The following KCNQ1OT1 variants were observed in gnomAD, a reference collection of about 807,000 sequenced individuals.
KCNQ1OT1 encodes KCNQ1 opposite strand/antisense transcript 1.
exon 1 of KCNQ1OT1, chr11:2,628,175 T>C (rs1172159681): frequency 7.5e-6 from 3 of 398,542 alleles, no homozygotes; most frequent in African/African-American, 4.1e-5. Flanking sequence ...CTGGATCATA[T>C]AGCAGTTCCA....
exon 1 of KCNQ1OT1, chr11:2,667,693 A>G (rs1484105148): frequency 1.0e-5 from 4 of 398,732 alleles, no homozygotes; most frequent in Non-Finnish European, 1.8e-5. Flanking sequence ...CACGGAGGTG[A>G]CCTAGTCAGG....
exon 1 of KCNQ1OT1, chr11:2,694,148 C>T: frequency 2.5e-6 from 1 of 398,666 alleles, no homozygotes; most frequent in Non-Finnish European, 4.4e-6. Flanking sequence ...ATACTGCTGA[C>T]CAGGGAAGAG....
At position 2,670,579 on chromosome 11, in the gene KCNQ1OT1, A is replaced by ATTC. The variant is rs2133867728; in HGVS notation, n.29415_29416insGAA. 1 of 398,340 alleles carries ATTC rather than the reference A, an allele frequency of 2.5e-6. No individual in the cohort carries two copies. The allele number at this position is 398,340 out of a possible 1,614,324, so 24.7% of individuals were successfully genotyped here. ...CAGTATCACTGGGAGATAGGAGCAG[A>ATTC]AGCCAGGGCTCATTCCCAGACACAC... On this transcript the variant is annotated non_coding_transcript_exon_variant, in exon 1 of 1. Transcript: ENST00000597346. The surrounding 1 kb of genome is among the most constrained non-coding windows in gnomAD (Gnocchi z 4.9).
chr11:2,640,170 C>T lies in KCNQ1OT1; in HGVS notation n.59825G>A, dbSNP rs957551114. On this transcript the variant is annotated non_coding_transcript_exon_variant, in exon 1 of 1. Coordinates refer to ENST00000597346, the Ensembl canonical transcript of KCNQ1OT1. ...TTGTGCTTCCCAGGTGAGGCGATGC[C>T]TCGCCCTACTTCGTCTCACACTCAG... 11 of 381,172 alleles carry T rather than the reference C, an allele frequency of 2.9e-5. No homozygotes were observed. The Admixed American group carries it at 3.2e-4, about 11-fold the overall frequency. 23.6% of individuals were successfully genotyped at this position (381,172 alleles called of 1,614,324 possible).
rs1849086251 is a variant in KCNQ1OT1 at position 2,617,503 on chromosome 11, A to G, written n.82492T>C. The G allele has an allele frequency of 2.5e-6, 1 of 398,508 alleles. No individual in the cohort carries two copies. The allele number at this position is 398,508 out of a possible 1,614,324, so 24.7% of individuals were successfully genotyped here. A position where few individuals can be genotyped will look rare whatever the true frequency, so the allele number is the denominator to read the frequency against. ...TAAGTTTTCATATCGTGACTCATGC[A>G]TATAATGCCACAATGAATATAGGAG... On this transcript the variant is annotated non_coding_transcript_exon_variant, in exon 1 of 1. Coordinates refer to ENST00000597346, the Ensembl canonical transcript of KCNQ1OT1. The surrounding 1 kb of genome is among the most constrained non-coding windows in gnomAD (Gnocchi z 4.6).
At chr11:2,667,664 G>C in exon 1 of KCNQ1OT1, 1 of 398,670 alleles carries the variant, frequency 2.5e-6, no homozygotes, top group Middle Eastern at 6.3e-4. Flanking sequence ...TTGAACTGCA[G>C]AGCCTCTGGA....
In KCNQ1OT1 at chr11:2,611,432, G is replaced by C; in HGVS notation, n.88563C>G. 2 of 397,710 alleles carry C rather than the reference G, an allele frequency of 5.0e-6. No individual in the cohort carries two copies. Among genetic ancestry groups the C allele is most frequent in the Non-Finnish European group, 8.8e-6 (2 of 226,042 alleles). 24.6% of individuals were successfully genotyped at this position (397,710 alleles called of 1,614,324 possible). ...TCACCATGTTGACCAGGCTGGTCTTGAACTCCTGACCTCGAGTGATCTGTC... is the reference window on the plus strand; with the variant it reads ...TCACCATGTTGACCAGGCTGGTCTTCAACTCCTGACCTCGAGTGATCTGTC... On this transcript the variant is annotated non_coding_transcript_exon_variant, in exon 1 of 1. Coordinates refer to ENST00000597346, the Ensembl canonical transcript of KCNQ1OT1. The surrounding 1 kb of genome is among the most constrained non-coding windows in gnomAD (Gnocchi z 5.3).
chr11:2,660,386 TC>T lies in KCNQ1OT1; in HGVS notation n.39608del, dbSNP rs769229810. The T allele has an allele frequency of 3.3e-3, 1,298 of 398,578 alleles. 2 individuals are homozygous for T. Among genetic ancestry groups the T allele is most frequent in the Non-Finnish European group, 4.9e-3 (1,105 of 226,054 alleles). The allele number at this position is 398,578 out of a possible 1,614,324, so 24.7% of individuals were successfully genotyped here. ...GTATTACGCTGATGTGGGAAAACCT[TC>T]CTTTTTTATAAAGCAAAAGATGTAT... On this transcript the variant is annotated non_coding_transcript_exon_variant, in exon 1 of 1. Transcript: ENST00000597346.
chr11:2,660,238 A>G (rs1849927765), exon 1 of KCNQ1OT1: 1 of 398,200 alleles, frequency 2.5e-6, no homozygotes, highest in East Asian at 3.6e-5. Context: ...TTCATTTTCT[A>G]ATTGTTGATC....
At chr11:2,656,743 TTC>T (rs1338396819) in exon 1 of KCNQ1OT1, 3 of 398,542 alleles carry the variant, frequency 7.5e-6, no homozygotes, top group African/African-American at 6.2e-5. Flanking sequence ...TTACTCAGTC[TTC>T]TCTCTCATGG....
At chr11:2,641,055 C>T in exon 1 of KCNQ1OT1, 1 of 398,390 alleles carries the variant, frequency 2.5e-6, no homozygotes. Context: ...TTTCTTTTTC[C>T]ATTTATCCAC....
At position 2,627,669 on chromosome 11, in the gene KCNQ1OT1, T is replaced by C; in HGVS notation, n.72326A>G. On this transcript the variant is annotated non_coding_transcript_exon_variant, in exon 1 of 1. Coordinates refer to ENST00000597346, the Ensembl canonical transcript of KCNQ1OT1. The surrounding 1 kb of genome is among the most constrained non-coding windows in gnomAD (Gnocchi z 4.9). Reference sequence around the variant, plus strand: ...GGATGAATATTTCATTGTGTGTGTGTATATATGTGTGTGTGTGTGTCTGTA... The same window carrying C: ...GGATGAATATTTCATTGTGTGTGTGCATATATGTGTGTGTGTGTGTCTGTA... 2.5e-6 allele frequency: 1 copy of C among 398,606 alleles called. No homozygotes were observed. The highest frequency in any genetic ancestry group is 4.4e-6 in the Non-Finnish European group (1 of 226,066). The allele number at this position is 398,606 out of a possible 1,614,324, so 24.7% of individuals were successfully genotyped here.
exon 1 of KCNQ1OT1, chr11:2,656,186 T>G: frequency 5.0e-6 from 2 of 398,592 alleles, no homozygotes; most frequent in Non-Finnish European, 8.8e-6. Flanking sequence ...TCTTTCTTCC[T>G]TCCTTTAAAA....
exon 1 of KCNQ1OT1, chr11:2,622,220 T>C (rs1297830369): frequency 7.5e-6 from 3 of 398,300 alleles, no homozygotes; most frequent in Admixed American, 4.4e-5. Context: ...TTTTCTTATA[T>C]TCTGGGGCTC....
chr11:2,657,253 C>T lies in KCNQ1OT1; in HGVS notation n.42742G>A, dbSNP rs1485231424. On this transcript the variant is annotated non_coding_transcript_exon_variant, in exon 1 of 1. Transcript: ENST00000597346. The surrounding 1 kb of genome is among the most constrained non-coding windows in gnomAD (Gnocchi z 4.8). ...GAATCAGCTTGCCAAAGTTCTCACA[C>T]AGAAGCCTTGAGATTTTTATTAAGA... The T allele has an allele frequency of 1.0e-5, 4 of 398,544 alleles. No homozygotes were observed. The highest frequency in any genetic ancestry group is 6.2e-5 in the African/African-American group (3 of 48,644). The allele number at this position is 398,544 out of a possible 1,614,324, so 24.7% of individuals were successfully genotyped here.
In KCNQ1OT1 at chr11:2,677,807, C is replaced by G. The variant is rs1850319967; in HGVS notation, n.22188G>C. The G allele has an allele frequency of 5.0e-6, 2 of 398,444 alleles. No homozygotes were observed. The highest frequency in any genetic ancestry group is 8.8e-6 in the Non-Finnish European group (2 of 226,020). The allele number at this position is 398,444 out of a possible 1,614,324, so 24.7% of individuals were successfully genotyped here. A position where few individuals can be genotyped will look rare whatever the true frequency, so the allele number is the denominator to read the frequency against. ...CCATTTCCAGCAGGATTAAAATGTTCATTTATGTTGTGATAGATACTGCCA... is the reference window on the plus strand; with the variant it reads ...CCATTTCCAGCAGGATTAAAATGTTGATTTATGTTGTGATAGATACTGCCA... On this transcript the variant is annotated non_coding_transcript_exon_variant, in exon 1 of 1. Transcript: ENST00000597346. This position sits in a 1 kb window ranked among gnomAD's most constrained non-coding sequence, Gnocchi z 4.5.
chr11:2,699,761 G>A (rs935930184), exon 1 of KCNQ1OT1: 21 of 363,914 alleles, frequency 5.8e-5, no homozygotes, highest in Non-Finnish European at 8.0e-5. Flanking sequence ...GAAGAGCGCC[G>A]CGCTGAGGAG....
chr11:2,664,167 G>T lies in KCNQ1OT1; in HGVS notation n.35828C>A. On this transcript the variant is annotated non_coding_transcript_exon_variant, in exon 1 of 1. Coordinates refer to ENST00000597346, the Ensembl canonical transcript of KCNQ1OT1. The surrounding 1 kb of genome is among the most constrained non-coding windows in gnomAD (Gnocchi z 5.1). Reference sequence around the variant, plus strand: ...TCTCAGAGCAGGCTGTTCCAAAAGTGGCTGCTAGATATGAGCCAGCCTGGG... The same window carrying T: ...TCTCAGAGCAGGCTGTTCCAAAAGTTGCTGCTAGATATGAGCCAGCCTGGG... The T allele has an allele frequency of 2.5e-6, 1 of 398,738 alleles. No individual in the cohort carries two copies. Among genetic ancestry groups the T allele is most frequent in the Non-Finnish European group, 4.4e-6 (1 of 226,162 alleles). 24.7% of individuals were successfully genotyped at this position (398,738 alleles called of 1,614,324 possible).
chr11:2,680,466 T>C, exon 1 of KCNQ1OT1: 1 of 398,554 alleles, frequency 2.5e-6, no homozygotes, highest in Non-Finnish European at 4.4e-6. Context: ...TTAGGAGGAC[T>C]ACTGATTTTT....
Sources: gnomAD v4.1 joint callset for allele counts on GRCh38, gnomAD v4.1.1 for gene constraint, Gnocchi (gnomAD v3.1) non-coding constraint, MANE v1.5 for transcripts, NCBI Gene and HGNC (gene_info 2026-07-23, HGNC 2026-07-21) for gene names.